Variants in ZNF780B observed in about 807,000 individuals in gnomAD.
The protein encoded by ZNF780B is zinc finger protein 780B.
ZNF780B carries 52 observed loss-of-function variants against 74.1 expected under a neutral mutation model. The ratio of observed to expected loss-of-function variants is 0.70; its 90% confidence interval spans 0.56 to 0.88. ZNF780B has a LOEUF of 0.88. Among genes scored for constraint, ZNF780B ranks in the 40% least tolerant of loss-of-function variants. The pLI, the probability that ZNF780B is intolerant of heterozygous loss-of-function variation, is 0.00. For missense variants in ZNF780B, 953 were observed against 1,007.6 expected, an observed-to-expected ratio of 0.95 and a Z score of 0.73; for synonymous variants, 315 against 324.3, an observed-to-expected ratio of 0.97 and a Z score of 0.31.
In ZNF780B at chr19:40,035,164, G is replaced by T. The variant is rs1250072925; in HGVS notation, c.1695C>A (p.Phe565Leu). The part of the protein sequence containing the change: ...KPFECKECGK[F>L]FRRGSNLNQH... ...GATTAAGATTTGAACCACGACGAAAGAATTTCCCACATTCCTTACATTCAA... is the reference window on the plus strand; with the variant it reads ...GATTAAGATTTGAACCACGACGAAATAATTTCCCACATTCCTTACATTCAA... Residue 565 changes from phenylalanine to leucine, a missense_variant, in exon 5 of 5, where the codon TTC becomes TTA. Coordinates refer to ENST00000434248, the MANE Select transcript of ZNF780B (RefSeq NM_001005851.3). The T allele has an allele frequency of 3.1e-6, 5 of 1,613,472 alleles. No individual in the cohort carries two copies. The highest frequency in any genetic ancestry group is 4.2e-6 in the Non-Finnish European group (5 of 1,179,698).
rs191330938 is a variant in ZNF780B, at chr19:40,053,503, G to T, written c.-46+2686C>A. Among the ~76,000 whole-genome samples, 175 of 152,198 alleles carry T rather than the reference G, an allele frequency of 1.1e-3. 1 individual carries two copies. Among genetic ancestry groups the T allele is most frequent in the African/African-American group, 4.0e-3 (168 of 41,510 alleles). On this transcript the variant is annotated intron_variant, in intron 1 of 4. Coordinates refer to ENST00000434248, the MANE Select transcript of ZNF780B (RefSeq NM_001005851.3). ...AGACATTATGGAAAACAGCATGGAG[G>T]TTCCTCAAAAAATTAGAAATAGAAC...
chr19:40,043,810 C>T (rs1471801093), intron 4 of ZNF780B, among the ~76,000 whole-genome samples: 4 of 152,226 alleles, frequency 2.6e-5, no homozygotes, highest in Non-Finnish European at 5.9e-5. Flanking sequence ...TCTGTCACCC[C>T]TTTCTTTGAC....
Position 40,032,107 on chromosome 19 carries a change from A to G in ZNF780B, c.*2250T>C. 1 of 446,678 alleles carries G rather than the reference A, an allele frequency of 2.2e-6. No homozygotes were observed. The highest frequency in any genetic ancestry group is 1.6e-5 in the South Asian group (1 of 63,224). The allele number at this position is 446,678 out of a possible 1,614,324, so 27.7% of individuals were successfully genotyped here. ...AGGCTAAATGACACTATAAAGAAAG[A>G]AATCTAAACACATAGCCAACAACAT... is the stretch of plus-strand genomic sequence containing the variant. On this transcript the variant is annotated 3_prime_UTR_variant, in exon 5 of 5. Transcript: ENST00000434248.
chr19:40,054,124 G>A (rs970617046), intron 1 of ZNF780B, among the ~76,000 whole-genome samples: 1 of 152,178 alleles, frequency 6.6e-6, no homozygotes, highest in Non-Finnish European at 1.5e-5. Context: ...CTGCACTCCA[G>A]CCTGGGCAAC....
At position 40,046,704 on chromosome 19, in the gene ZNF780B, C is replaced by A. The variant is rs117681666; in HGVS notation, c.232+671G>T. On this transcript the variant is annotated intron_variant, in intron 4 of 4. Transcript: ENST00000434248. Reference sequence around the variant, plus strand: ...TTGGTATTCCTTATCTATTCATTTGCTTACTTGTTTGAGGCATGTCTCACC... The same window carrying A: ...TTGGTATTCCTTATCTATTCATTTGATTACTTGTTTGAGGCATGTCTCACC... 6.7e-3 allele frequency among the ~76,000 whole-genome samples: 1,015 copies of A among 152,308 alleles called. 5 individuals are homozygous for A. The highest frequency in any genetic ancestry group is 0.012 in the Non-Finnish European group (793 of 68,026).
intron 4 of ZNF780B, among the ~76,000 whole-genome samples, chr19:40,040,552 G>A (rs557733385): frequency 6.6e-6 from 1 of 152,164 alleles, no homozygotes; most frequent in East Asian, 1.9e-4. Context: ...GATCTTTTTT[G>A]GTTGGTAAGC....
At chr19:40,048,978 C>T (rs1973075857) in intron 2 of ZNF780B, 182 bp from the exon 3 acceptor site, 5 of 907,822 alleles carry the variant, frequency 5.5e-6, no homozygotes, top group Non-Finnish European at 8.0e-6. Context: ...TATACCAGCA[C>T]TTTGGGAGAC....
rs1049241087 is a variant in ZNF780B at position 40,031,892 on chromosome 19, G to A, written c.*2465C>T. 2.9e-5 allele frequency: 9 copies of A among 313,682 alleles called. No individual in the cohort carries two copies. Among genetic ancestry groups the A allele is most frequent in the Admixed American group, 2.0e-4 (5 of 25,620 alleles). 19.4% of individuals were successfully genotyped at this position (313,682 alleles called of 1,614,324 possible). A position where few individuals can be genotyped will look rare whatever the true frequency, so the allele number is the denominator to read the frequency against. On this transcript the variant is annotated 3_prime_UTR_variant, in exon 5 of 5. Coordinates refer to ENST00000434248, the MANE Select transcript of ZNF780B (RefSeq NM_001005851.3). ...AACTAAATCTTTACAATGGACTTAC[G>A]GCGGTTACCAGCTTACCCAAATGAT...
intron 4 of ZNF780B, among the ~76,000 whole-genome samples, chr19:40,046,711 G>A (rs917925785): frequency 6.6e-6 from 1 of 152,150 alleles, no homozygotes; most frequent in African/African-American, 2.4e-5. Context: ...TTGCTTACTT[G>A]TTTGAGGCAT....
Position 40,032,377 on chromosome 19 carries a change from A to G in ZNF780B, c.*1980T>C. On this transcript the variant is annotated 3_prime_UTR_variant, in exon 5 of 5. Coordinates refer to ENST00000434248, the MANE Select transcript of ZNF780B (RefSeq NM_001005851.3). ...TTCCATGCTACAATACACTAAAGAG[A>G]GATAACCAAATGCAATGCAGAATCT... 5.1e-6 allele frequency: 2 copies of G among 395,010 alleles called. No homozygotes were observed. The highest frequency in any genetic ancestry group is 9.9e-6 in the Non-Finnish European group (2 of 202,250). The allele number at this position is 395,010 out of a possible 1,614,324, so 24.5% of individuals were successfully genotyped here. A position where few individuals can be genotyped will look rare whatever the true frequency, so the allele number is the denominator to read the frequency against.
In ZNF780B at chr19:40,047,398, T is replaced by C. The variant is rs767833587; in HGVS notation, c.209A>G (p.Lys70Arg). The C allele has an allele frequency of 6.2e-7, 1 of 1,613,878 alleles. No homozygotes were observed. Among genetic ancestry groups the C allele is most frequent in the Non-Finnish European group, 8.5e-7 (1 of 1,179,806 alleles). The change falls in exon 4 of 5, where the codon AAA becomes AGA. Residue 70 changes from lysine to arginine, a missense_variant. Lys to Arg is a conservative substitution (Grantham distance 26, BLOSUM62 2). Coordinates refer to ENST00000434248, the MANE Select transcript of ZNF780B (RefSeq NM_001005851.3). ...ACCTGGATACCATCTGCTTGTTTCT[T>C]TACTTACAACAATCCAGGGCTCTTT... ...QEKEPWIVVS[K>R]ETSRWYPDLE...
At chr19:40,039,052 A>G (rs1483950103) in intron 4 of ZNF780B, among the ~76,000 whole-genome samples, 1 of 152,138 alleles carries the variant, frequency 6.6e-6, no homozygotes, top group African/African-American at 2.4e-5. Context: ...TAGGTCTAAC[A>G]TGTAAGTCTT....
In ZNF780B at chr19:40,040,574, G is replaced by A. The variant is rs573346278; in HGVS notation, c.233-3948C>T. Among the ~76,000 whole-genome samples the A allele has an allele frequency of 6.6e-5, 10 of 152,214 alleles. No individual in the cohort carries two copies. The South Asian group carries it at 2.1e-3, about 32-fold the overall frequency. ...TTTGGTTGGTAAGCTATTGATTATT[G>A]CCACAATTTCAGAGCCTGTTATTGG... On this transcript the variant is annotated intron_variant, in intron 4 of 4. Transcript: ENST00000434248.
At chr19:40,049,233 C>CAAA (rs35460563) in intron 2 of ZNF780B, among the ~76,000 whole-genome samples, 4 of 35,132 alleles carry the variant, frequency 1.1e-4, no homozygotes, top group African/African-American at 1.5e-4. Flanking sequence ...GACCCTATCT[C>CAAA]AAAAAAAAAA....
rs561611686 is a variant in ZNF780B at position 40,039,841 on chromosome 19, T to C, written c.233-3215A>G. ...ACAATGGGGTTTTCTAGATATACAA[T>C]CATGTCATCTGCAAACAGGGACAAT... is the stretch of plus-strand genomic sequence containing the variant. On this transcript the variant is annotated intron_variant, in intron 4 of 4. Coordinates refer to ENST00000434248, the MANE Select transcript of ZNF780B (RefSeq NM_001005851.3). 7.4e-3 allele frequency among the ~76,000 whole-genome samples: 1,132 copies of C among 152,000 alleles called. 6 individuals are homozygous for C. Among genetic ancestry groups the C allele is most frequent in the Non-Finnish European group, 0.012 (787 of 67,876 alleles).
intron 4 of ZNF780B, among the ~76,000 whole-genome samples, chr19:40,045,878 C>T (rs1265098090): frequency 1.3e-5 from 2 of 152,144 alleles, no homozygotes; most frequent in African/African-American, 4.8e-5. Context: ...ATCCCAGTTA[C>T]TCTAGAGGCT....
Position 40,034,743 on chromosome 19 carries a change from A to G in ZNF780B, c.2116T>C (p.Phe706Leu). ...PFVCKECRKT[F>L]RYHYQLTEHY... Reference sequence around the variant, plus strand: ...TCAGTAAGCTGGTAATGATATCTAAAGGTCTTCCTACACTCCTTACATACA... The same window carrying G: ...TCAGTAAGCTGGTAATGATATCTAAGGGTCTTCCTACACTCCTTACATACA... Residue 706 changes from phenylalanine to leucine, a missense_variant, in exon 5 of 5, where the codon TTT becomes CTT. By Grantham distance (22) the Phe-to-Leu change is conservative. Transcript: ENST00000434248. The G allele has an allele frequency of 6.2e-7, 1 of 1,614,026 alleles. No homozygotes were observed. Among genetic ancestry groups the G allele is most frequent in the Non-Finnish European group, 8.5e-7 (1 of 1,179,974 alleles).
At chr19:40,042,231 C>T (rs1252414878) in intron 4 of ZNF780B, among the ~76,000 whole-genome samples, 3 of 152,168 alleles carry the variant, frequency 2.0e-5, no homozygotes, top group African/African-American at 7.2e-5. Context: ...ATATTGGCCC[C>T]CACTCTCTTC....
intron 4 of ZNF780B, among the ~76,000 whole-genome samples, chr19:40,045,015 C>A (rs978041225): frequency 2.6e-5 from 4 of 151,850 alleles, no homozygotes; most frequent in Admixed American, 6.6e-5. Context: ...ATATTCCATA[C>A]AAATGGAAAC....
Sources: gnomAD v4.1 joint callset for allele counts (sites outside exome capture counted in the v4.1 genomes callset) on GRCh38, gnomAD v4.1.1 for gene constraint, MANE v1.5 for transcripts, NCBI Gene and HGNC (gene_info 2026-07-23, HGNC 2026-07-21) for gene names.